The following BCKDHB variants were observed in gnomAD, a reference collection of about 807,000 sequenced individuals.
BCKDHB encodes 2-oxoisovalerate dehydrogenase subunit beta, mitochondrial.
Under a neutral mutation model 48.5 loss-of-function variants are expected in BCKDHB, and 41 were observed. The ratio of observed to expected loss-of-function variants is 0.85; its 90% CI spans 0.66 to 1.10. BCKDHB has a LOEUF of 1.10. Ranked by LOEUF, BCKDHB falls within the 50% of genes least tolerant of loss-of-function variation. The pLI is 0.00. For synonymous variants in BCKDHB, 201 were observed against 174.8 expected, an observed-to-expected ratio of 1.15 and a Z score of -1.18; for missense variants, 496 against 494.2, an observed-to-expected ratio of 1.00 and a Z score of -0.03.
intron 9 of BCKDHB, among the ~76,000 whole-genome samples, chr6:80,302,778 TG>T (rs1767655046): frequency 6.6e-6 from 1 of 152,162 alleles, no homozygotes; most frequent in Non-Finnish European, 1.5e-5. Flanking sequence ...CCCATTACAC[TG>T]TTAAAGGAAA....
the BCKDHB span, among the ~76,000 whole-genome samples, chr6:80,434,167 C>T: frequency 6.6e-6 from 1 of 152,008 alleles, no homozygotes; most frequent in African/African-American, 2.4e-5. Context: ...TGTATTCATA[C>T]ATAATCACAC....
the BCKDHB span, among the ~76,000 whole-genome samples, chr6:80,377,451 T>A: frequency 6.6e-6 from 1 of 152,172 alleles, no homozygotes; most frequent in Non-Finnish European, 1.5e-5. Flanking sequence ...TATCCCTATG[T>A]TTTCTTCTAA....
the BCKDHB span, among the ~76,000 whole-genome samples, chr6:80,456,606 A>G: frequency 6.6e-6 from 1 of 152,252 alleles, no homozygotes; most frequent in Non-Finnish European, 1.5e-5. Flanking sequence ...GCATTTAAGT[A>G]TGAAGATAAT....
the BCKDHB span, among the ~76,000 whole-genome samples, chr6:80,390,210 C>G: frequency 4.6e-5 from 7 of 152,162 alleles, no homozygotes; most frequent in Admixed American, 1.3e-4. Flanking sequence ...TAGGGCATCT[C>G]TTACTATTAC....
intron 8 of BCKDHB, among the ~76,000 whole-genome samples, chr6:80,212,320 C>G (rs1435474106): frequency 6.6e-6 from 1 of 152,080 alleles, no homozygotes; most frequent in Non-Finnish European, 1.5e-5. Flanking sequence ...TTTAGACCTT[C>G]CCCCAGGAAT....
At chr6:80,457,512 G>C in the BCKDHB span, among the ~76,000 whole-genome samples, 1 of 152,168 alleles carries the variant, frequency 6.6e-6, no homozygotes, top group Non-Finnish European at 1.5e-5. Context: ...GTTTGGGTGA[G>C]TCACTGAGTG....
At chr6:80,440,685 T>C in the BCKDHB span, 1 of 152,004 alleles carries the variant, frequency 6.6e-6, no homozygotes, top group South Asian at 2.1e-4. Flanking sequence ...CTGCTTTCAG[T>C]TGAGTCACTC....
chr6:80,200,990 C>T lies in BCKDHB; in HGVS notation c.799C>T (p.Gln267Ter), dbSNP rs398124594. ...CCCACTGTCCCAGGCCGAAGTCATA[C>T]AGGAAGGGAGTGATGTTACTCTAGT... Reference protein sequence around the residue: ...NIPLSQAEVIQEGSDVTLVAW... With the variant: ...NIPLSQAEVI The change falls in exon 7 of 10, where the codon CAG becomes TAG. Residue 267 changes from glutamine (Q) to a stop codon, truncating the protein, a stop_gained. Transcript: ENST00000320393. LOFTEE classifies it high-confidence loss of function. 26 of 1,612,684 alleles carry T rather than the reference C, an allele frequency of 1.6e-5. No homozygotes were observed. Among genetic ancestry groups the T allele is most frequent in the Admixed American group, 3.3e-5 (2 of 59,920 alleles).
intron 9 of BCKDHB, among the ~76,000 whole-genome samples, chr6:80,336,806 C>A (rs1769614803): frequency 6.6e-6 from 1 of 151,978 alleles, no homozygotes; most frequent in Non-Finnish European, 1.5e-5. Context: ...CTGTGCATCT[C>A]ATGTGCATGG....
the BCKDHB span, among the ~76,000 whole-genome samples, chr6:80,433,342 T>C: frequency 6.6e-6 from 1 of 152,296 alleles, no homozygotes; most frequent in South Asian, 2.1e-4. Context: ...TGCTGCCTTT[T>C]TTTCAGAGAT....
intron 9 of BCKDHB, among the ~76,000 whole-genome samples, chr6:80,323,095 T>C (rs758033831): frequency 2.0e-5 from 3 of 152,140 alleles, no homozygotes; most frequent in South Asian, 2.1e-4. Context: ...CTTACCTTTC[T>C]GAACCTCAGT....
At chr6:80,192,150 A>G (rs1399748418) in intron 6 of BCKDHB, among the ~76,000 whole-genome samples, 1 of 152,186 alleles carries the variant, frequency 6.6e-6, no homozygotes. Context: ...TTCAATAAGA[A>G]TAAAATAAAA....
chr6:80,133,832 G>C (rs552410635), intron 3 of BCKDHB, among the ~76,000 whole-genome samples: 1 of 151,950 alleles, frequency 6.6e-6, no homozygotes, highest in African/African-American at 2.4e-5. Context: ...TAGTAGAGAC[G>C]GGGTTTCATC....
rs925884763 is a variant in BCKDHB at position 80,339,242 on chromosome 6, G to A, written c.1039-4422G>A. ...ACATATTACATTCATCAAAACATGG[G>A]AATAAATTGACGTACTCTTAATTTT... On this transcript the variant is annotated intron_variant, in intron 9 of 9. Transcript: ENST00000320393. 2.6e-5 allele frequency among the ~76,000 whole-genome samples: 4 copies of A among 152,094 alleles called. 1 individual carries two copies. Among genetic ancestry groups the A allele is most frequent in the African/African-American group, 9.7e-5 (4 of 41,420 alleles).
At chr6:80,238,403 C>T (rs934899526) in intron 8 of BCKDHB, among the ~76,000 whole-genome samples, 2 of 152,088 alleles carry the variant, frequency 1.3e-5, no homozygotes, top group African/African-American at 4.8e-5. Context: ...CCAGCCTTAT[C>T]TTTAAATTAT....
At chr6:80,141,177 A>G (rs957741007) in intron 3 of BCKDHB, among the ~76,000 whole-genome samples, 2 of 152,010 alleles carry the variant, frequency 1.3e-5, no homozygotes, top group East Asian at 1.9e-4. Context: ...TAATGCGTCT[A>G]TTCGATTCTT....
At chr6:80,386,625 C>T in the BCKDHB span, among the ~76,000 whole-genome samples, 1 of 152,178 alleles carries the variant, frequency 6.6e-6, no homozygotes, top group Non-Finnish European at 1.5e-5. Flanking sequence ...TGGTGGCACT[C>T]AACCATCAAA....
At chr6:80,430,839 A>G in the BCKDHB span, among the ~76,000 whole-genome samples, 3 of 151,840 alleles carry the variant, frequency 2.0e-5, no homozygotes, top group African/African-American at 7.2e-5. Flanking sequence ...CTCTGATCTT[A>G]GTTATTTCTT....
At chr6:80,290,553 A>G (rs1251665529) in intron 9 of BCKDHB, among the ~76,000 whole-genome samples, 2 of 152,172 alleles carry the variant, frequency 1.3e-5, no homozygotes, top group Non-Finnish European at 2.9e-5. Flanking sequence ...ACTCCTAAGC[A>G]CCATCTAATG....
Sources: gnomAD v4.1 joint callset for allele counts (sites outside exome capture counted in the v4.1 genomes callset) on GRCh38, gnomAD v4.1.1 for gene constraint, MANE v1.5 for transcripts, NCBI Gene and HGNC (gene_info 2026-07-23, HGNC 2026-07-21) for gene names.